The following LRMDA variants were observed in gnomAD, a reference collection of about 807,000 sequenced individuals.
LRMDA encodes the protein leucine-rich melanocyte differentiation-associated protein.
Under a neutral mutation model 29.8 loss-of-function variants are expected in LRMDA, and 18 were observed. That is an observed-to-expected ratio of 0.60 (90% CI 0.42 to 0.90). LRMDA has a LOEUF of 0.90. LRMDA is among the 40% of genes least tolerant of loss of function. The pLI is 0.00. For missense variants in LRMDA, 273 were observed against 273.9 expected, an observed-to-expected ratio of 1.00 and a Z score of 0.02; for synonymous variants, 125 against 109.4, an observed-to-expected ratio of 1.14 and a Z score of -0.89.
chr10:75,971,784 TG>T (rs1422273277), intron 2 of LRMDA, among the ~76,000 whole-genome samples: 1 of 152,148 alleles, frequency 6.6e-6, no homozygotes, highest in Non-Finnish European at 1.5e-5. Flanking sequence ...TGGGTGAGAT[TG>T]GGAATCTGTT....
At chr10:75,612,811 G>A (rs1031641045) in intron 2 of LRMDA, among the ~76,000 whole-genome samples, 7 of 150,876 alleles carry the variant, frequency 4.6e-5, no homozygotes, top group Non-Finnish European at 1.0e-4. Flanking sequence ...AAAATAAAGT[G>A]TAAAATGAAA....
chr10:76,089,187 T>C (rs1849188607), intron 5 of LRMDA, among the ~76,000 whole-genome samples: 1 of 152,172 alleles, frequency 6.6e-6, no homozygotes, highest in Non-Finnish European at 1.5e-5. Context: ...CTGTGACAGA[T>C]GAAATCACTG....
chr10:76,468,655 G>T (rs1253034629), intron 6 of LRMDA, among the ~76,000 whole-genome samples: 3 of 152,104 alleles, frequency 2.0e-5, no homozygotes, highest in Admixed American at 6.6e-5. Context: ...ATCATTTTCA[G>T]GTATACACAT....
In LRMDA at chr10:75,972,942, T is replaced by C. The variant is rs542322113; in HGVS notation, c.132-63066T>C. On this transcript the variant is annotated intron_variant, in intron 2 of 6. Transcript: ENST00000611255. ...TTCCAGTTAAGAGGTTGTGTTGAGT[T>C]CCTCTACCCTGTGTGCTACACTGGG... Among the ~76,000 whole-genome samples, 119 of 152,264 alleles carry C rather than the reference T, an allele frequency of 7.8e-4. No individual in the cohort carries two copies. In the South Asian group the frequency reaches 9.3e-3, roughly 12 times the overall value.
chr10:76,527,386 A>G (rs1276135666), intron 6 of LRMDA, among the ~76,000 whole-genome samples: 8 of 152,182 alleles, frequency 5.3e-5, no homozygotes, highest in East Asian at 3.8e-4. Flanking sequence ...ATAAGTTACT[A>G]TCAGTGTAAT....
chr10:76,518,937 A>C (rs1473768389), intron 6 of LRMDA, among the ~76,000 whole-genome samples: 1 of 152,212 alleles, frequency 6.6e-6, no homozygotes, highest in African/African-American at 2.4e-5. Context: ...AACAAATTTC[A>C]AAAACTAAGT....
chr10:76,132,442 A>AT (rs1270348130), intron 5 of LRMDA, among the ~76,000 whole-genome samples: 5 of 152,154 alleles, frequency 3.3e-5, no homozygotes, highest in African/African-American at 1.2e-4. Flanking sequence ...CAAGCAGAAC[A>AT]TTTTTTATTA....
intron 6 of LRMDA, among the ~76,000 whole-genome samples, chr10:76,493,939 A>G (rs976602529): frequency 6.6e-6 from 1 of 152,060 alleles, no homozygotes; most frequent in African/African-American, 2.4e-5. Flanking sequence ...CCTTAATTTC[A>G]TATTTCTGTG....
chr10:76,137,772 CAA>C (rs36038656), intron 5 of LRMDA, among the ~76,000 whole-genome samples: 62 of 122,082 alleles, frequency 5.1e-4, no homozygotes, highest in East Asian at 1.9e-3. Context: ...GTCCCTATGG[CAA>C]AAAAAAAAAA....
intron 5 of LRMDA, among the ~76,000 whole-genome samples, chr10:76,148,426 C>T (rs1424813077): frequency 6.6e-6 from 1 of 152,142 alleles, no homozygotes; most frequent in Non-Finnish European, 1.5e-5. Context: ...TGCCGCCTTG[C>T]AGTTTGATCT....
chr10:76,046,116 C>T (rs1306873585), intron 3 of LRMDA, among the ~76,000 whole-genome samples: 2 of 133,370 alleles, frequency 1.5e-5, no homozygotes, highest in African/African-American at 5.8e-5. Flanking sequence ...CTGGGACCCC[C>T]TTTTATCTGC....
chr10:75,898,438 C>G (rs1276589151), intron 2 of LRMDA, among the ~76,000 whole-genome samples: 1 of 152,098 alleles, frequency 6.6e-6, no homozygotes, highest in Non-Finnish European at 1.5e-5. Flanking sequence ...TAAATGAATC[C>G]TCACCAGCTC....
chr10:76,375,986 C>T (rs1043998867), intron 6 of LRMDA, among the ~76,000 whole-genome samples: 23 of 151,832 alleles, frequency 1.5e-4, no homozygotes, highest in Admixed American at 7.2e-4. Context: ...CAGATGGAAA[C>T]GTGTCATAGT....
intron 5 of LRMDA, among the ~76,000 whole-genome samples, chr10:76,200,200 G>A (rs1359489483): frequency 6.6e-6 from 1 of 152,154 alleles, no homozygotes; most frequent in Admixed American, 6.5e-5. Context: ...CTGAACTGAA[G>A]CAATCCTCCT....
intron 2 of LRMDA, among the ~76,000 whole-genome samples, chr10:76,030,457 T>A (rs1848131116): frequency 6.6e-6 from 1 of 152,110 alleles, no homozygotes; most frequent in Admixed American, 6.5e-5. Flanking sequence ...AAAAAAGAGT[T>A]TTATGGAAAA....
chr10:75,837,444 A>G (rs1424866599), intron 2 of LRMDA, among the ~76,000 whole-genome samples: 2 of 152,296 alleles, frequency 1.3e-5, no homozygotes, highest in East Asian at 3.9e-4. Flanking sequence ...GACAATTGTC[A>G]TATCTTTCAT....
intron 6 of LRMDA, among the ~76,000 whole-genome samples, chr10:76,339,757 AC>A (rs2132418112): frequency 6.6e-6 from 1 of 152,152 alleles, no homozygotes; most frequent in Non-Finnish European, 1.5e-5. Flanking sequence ...TCTAAGTAAA[AC>A]AAGTAATTTT....
chr10:75,952,906 C>T (rs1376492986), intron 2 of LRMDA, among the ~76,000 whole-genome samples: 1 of 152,070 alleles, frequency 6.6e-6, no homozygotes, highest in Non-Finnish European at 1.5e-5. Context: ...AGGTGCACAC[C>T]ACCATGCCCA....
At chr10:76,401,381 CT>C (rs1479544005) in intron 6 of LRMDA, among the ~76,000 whole-genome samples, 2 of 152,186 alleles carry the variant, frequency 1.3e-5, no homozygotes, top group Non-Finnish European at 2.9e-5. Flanking sequence ...CTGATGTGGA[CT>C]CATGGGCATC....
Sources: gnomAD v4.1 joint callset for allele counts (sites outside exome capture counted in the v4.1 genomes callset) on GRCh38, gnomAD v4.1.1 for gene constraint, MANE v1.5 for transcripts, NCBI Gene and HGNC (gene_info 2026-07-23, HGNC 2026-07-21) for gene names.